Variants in SPATA7 observed in about 807,000 individuals in gnomAD.
SPATA7 encodes spermatogenesis-associated protein 7.
SPATA7 carries 43 observed loss-of-function variants against 51.8 expected under a neutral mutation model. The ratio of observed to expected loss-of-function variants is 0.83; its 90% confidence interval spans 0.65 to 1.07. The LOEUF is 1.07. SPATA7 is among the 50% of genes least tolerant of loss of function. The pLI is 0.00. For synonymous variants in SPATA7, 230 were observed against 252.8 expected, an observed-to-expected ratio of 0.91 and a Z score of 0.86; for missense variants, 683 against 701.3, an observed-to-expected ratio of 0.97 and a Z score of 0.30.
At chr14:88,409,143 G>C (rs1182058812) in intron 4 of SPATA7, among the ~76,000 whole-genome samples, 2 of 152,050 alleles carry the variant, frequency 1.3e-5, no homozygotes, top group Non-Finnish European at 2.9e-5. Flanking sequence ...CTCTTTGTCT[G>C]TTGTTTGGAA....
intron 3 of SPATA7, among the ~76,000 whole-genome samples, chr14:88,443,891 C>A (rs1224382411): frequency 1.3e-5 from 2 of 152,126 alleles, no homozygotes; most frequent in African/African-American, 4.8e-5. Context: ...CATTGATGGA[C>A]ATTTGGGTTG....
rs1298680044 is a variant in SPATA7, at chr14:88,427,875, A to G, written c.912+179A>G. The G allele has an allele frequency of 9.6e-6, 5 of 518,234 alleles. No homozygotes were observed. In the East Asian group the frequency reaches 1.3e-4, roughly 13 times the overall value. The allele number at this position is 518,234 out of a possible 1,614,324, so 32.1% of individuals were successfully genotyped here. Reference sequence around the variant, plus strand: ...TACAAATGGTTATAGCTCTCTCTGAATGGCCAGGTGGATCCTGCCAAATCT... The same window carrying G: ...TACAAATGGTTATAGCTCTCTCTGAGTGGCCAGGTGGATCCTGCCAAATCT... On this transcript the variant is annotated intron_variant, in intron 7 of 11. Coordinates refer to ENST00000393545, the MANE Select transcript of SPATA7 (RefSeq NM_018418.5).
downstream of SPATA7, among the ~76,000 whole-genome samples, chr14:88,440,783 G>A (rs2077173234): frequency 6.6e-6 from 1 of 152,032 alleles, no homozygotes; most frequent in East Asian, 1.9e-4. Flanking sequence ...AGAATTAAAT[G>A]AGCTTGCATG....
intron 5 of SPATA7, among the ~76,000 whole-genome samples, chr14:88,421,810 A>G (rs1306291032): frequency 6.6e-6 from 1 of 152,006 alleles, no homozygotes; most frequent in African/African-American, 2.4e-5. Flanking sequence ...TTAGCTGGGC[A>G]TGGTGGCATG....
Position 88,469,946 on chromosome 14 carries a change from A to T in SPATA7, c.*79A>T. 6.2e-7 allele frequency: 1 copy of T among 1,614,112 alleles called. No individual in the cohort carries two copies. The highest frequency in any genetic ancestry group is 8.5e-7 in the Non-Finnish European group (1 of 1,180,004). On this transcript the variant is annotated 3_prime_UTR_variant, in exon 5 of 5. Transcript: ENST00000556406. The surrounding 1 kb of genome is among the most constrained non-coding windows in gnomAD (Gnocchi z 4.3). ...CCTCTTCTGCTGTCACCATTGCTATAATTGCAATTCCCTGTTCCCATACCA... is the reference window on the plus strand; with the variant it reads ...CCTCTTCTGCTGTCACCATTGCTATTATTGCAATTCCCTGTTCCCATACCA...
Position 88,443,496 on chromosome 14 carries a change from T to A in SPATA7, c.177+5593T>A, listed in dbSNP as rs186406698. 5.7e-3 allele frequency among the ~76,000 whole-genome samples: 864 copies of A among 152,224 alleles called. 13 individuals are homozygous for A. Among genetic ancestry groups the A allele is most frequent in the African/African-American group, 0.02 (829 of 41,558 alleles). On this transcript the variant is annotated intron_variant, in intron 3 of 3. Coordinates refer to the SPATA7 transcript ENST00000554802. ...GTATTTATTTATTTATTTATTATTA[T>A]TATACTTTAAGTTTTAGGGTACATG...
chr14:88,412,593 T>C (rs567012604), intron 4 of SPATA7, among the ~76,000 whole-genome samples: 1 of 152,316 alleles, frequency 6.6e-6, no homozygotes, highest in South Asian at 2.1e-4. Flanking sequence ...ACTCAAATGT[T>C]AATCTTCTTT....
intron 10 of SPATA7, among the ~76,000 whole-genome samples, chr14:88,434,640 C>T (rs1399491475): frequency 3.4e-5 from 5 of 148,258 alleles, no homozygotes. Context: ...GAGCTGAGAT[C>T]GCGCCACCGC....
downstream of SPATA7, among the ~76,000 whole-genome samples, chr14:88,458,048 G>T (rs887536175): frequency 4.6e-5 from 7 of 151,988 alleles, no homozygotes; most frequent in Admixed American, 2.0e-4. Context: ...TGCATATGTT[G>T]AACCAGCCTT....
chr14:88,433,764 T>A (rs1486138886), intron 10 of SPATA7, among the ~76,000 whole-genome samples: 1 of 152,206 alleles, frequency 6.6e-6, no homozygotes, highest in Non-Finnish European at 1.5e-5. Flanking sequence ...TACTTTGTGT[T>A]ATGTAACCTA....
intron 4 of SPATA7, among the ~76,000 whole-genome samples, chr14:88,397,334 C>G (rs1451177428): frequency 6.6e-6 from 1 of 152,142 alleles, no homozygotes; most frequent in African/African-American, 2.4e-5. Context: ...GACACATTGC[C>G]TTTTGAGAAA....
At chr14:88,434,376 T>C (rs1294197193) in intron 10 of SPATA7, among the ~76,000 whole-genome samples, 3 of 151,990 alleles carry the variant, frequency 2.0e-5, no homozygotes, top group Non-Finnish European at 2.9e-5. Flanking sequence ...GTTAAAGATA[T>C]ATGTCATTGA....
At chr14:88,393,517 T>A in intron 3 of SPATA7, 29 bp downstream of exon 3, 1 of 1,493,684 alleles carries the variant, frequency 6.7e-7, no homozygotes, top group South Asian at 1.2e-5. Flanking sequence ...GAACTCTCTG[T>A]ACTCAATTTA....
chr14:88,424,417 A>G (rs1306652661), intron 5 of SPATA7, among the ~76,000 whole-genome samples: 2 of 152,214 alleles, frequency 1.3e-5, no homozygotes, highest in Admixed American at 1.3e-4. Flanking sequence ...ATCCCATTTC[A>G]GAGAGATAGC....
At chr14:88,443,305 G>C (rs2140038193), downstream of SPATA7, among the ~76,000 whole-genome samples, 1 of 152,248 alleles carries the variant, frequency 6.6e-6, no homozygotes, top group South Asian at 2.1e-4. Flanking sequence ...GGTCTGTTTA[G>C]AGTTTTCTGT....
At position 88,450,823 on chromosome 14, in the gene SPATA7, T is replaced by C. The variant is rs539179375; in HGVS notation, c.178-4237T>C. 2.5e-3 allele frequency among the ~76,000 whole-genome samples: 381 copies of C among 152,352 alleles called. 1 individual carries two copies. The highest frequency in any genetic ancestry group is 4.9e-3 in the Non-Finnish European group (334 of 68,034). On this transcript the variant is annotated intron_variant, in intron 3 of 3. Transcript: ENST00000554802. ...ATTTCCCAGGTGTTCTTTGAACTTC[T>C]TGTATGTGGATGTCTAGATCTCTAG...
intron 11 of SPATA7, 51 bp downstream of exon 11, chr14:88,437,648 TG>T: frequency 6.7e-7 from 1 of 1,486,854 alleles, no homozygotes. Context: ...TAAAAATAAT[TG>T]TATGGTTTTT....
At chr14:88,428,706 A>C (rs1205682402) in intron 7 of SPATA7, 2 of 152,246 alleles carry the variant, frequency 1.3e-5, no homozygotes, top group Non-Finnish European at 2.9e-5. Flanking sequence ...CTGCAAGAAA[A>C]TGTGTGTCCC....
chr14:88,413,567 G>T (rs2076397625), intron 4 of SPATA7, among the ~76,000 whole-genome samples: 1 of 152,096 alleles, frequency 6.6e-6, no homozygotes, highest in Non-Finnish European at 1.5e-5. Flanking sequence ...CTCTGGCTAG[G>T]ACTCCAGTAG....
Sources: allele counts gnomAD v4.1 joint callset (sites outside exome capture counted in the v4.1 genomes callset), GRCh38; gene constraint gnomAD v4.1.1; non-coding constraint Gnocchi (gnomAD v3.1); transcripts MANE v1.5; gene names NCBI Gene and HGNC (gene_info 2026-07-23, HGNC 2026-07-21).